MED30: variants seen among roughly 807,000 people sequenced by gnomAD.
MED30 encodes the protein mediator complex subunit 30.
Under a neutral mutation model 21.7 loss-of-function variants are expected in MED30, and 8 were observed. That is an observed-to-expected ratio of 0.37 (90% CI 0.22 to 0.67). The LOEUF (loss-of-function observed/expected upper bound fraction) is 0.67. Ranked by LOEUF, MED30 falls within the 30% of genes least tolerant of loss-of-function variation. The pLI is 0.58. For synonymous variants in MED30, 79 were observed against 86.7 expected (o/e 0.91, Z 0.49); for missense variants, 203 against 228.2 (o/e 0.89, Z 0.71).
At position 117,540,000 on chromosome 8, in the gene MED30, T is replaced by C; in HGVS notation, c.*22T>C. 7.2e-7 allele frequency: 1 copy of C among 1,379,796 alleles called. No homozygotes were observed. Among genetic ancestry groups the C allele is most frequent in the Non-Finnish European group, 1.0e-6 (1 of 981,320 alleles). The allele number at this position is 1,379,796 out of a possible 1,614,324, so 85.5% of individuals were successfully genotyped here. ...CTAAGCTGATATTTAAATTTCCTGC[T>C]TTACACATGTTATACCATTGTTTTT... On this transcript the variant is annotated 3_prime_UTR_variant, in exon 4 of 4. Coordinates refer to ENST00000297347, the MANE Select transcript of MED30 (RefSeq NM_080651.4).
At chr8:117,528,426 A>T (rs1312604542) in intron 1 of MED30, among the ~76,000 whole-genome samples, 2 of 151,952 alleles carry the variant, frequency 1.3e-5, no homozygotes, top group African/African-American at 4.8e-5. Context: ...TTTATCACAA[A>T]GTTTTTCTAG....
At chr8:117,521,327 A>G (rs957553069) in intron 1 of MED30, among the ~76,000 whole-genome samples, 6 of 152,164 alleles carry the variant, frequency 3.9e-5, no homozygotes, top group African/African-American at 1.4e-4. Flanking sequence ...CTTTCAAGGC[A>G]GAGATGGGTC....
chr8:117,528,779 CTG>C lies in MED30; in HGVS notation c.309_310del (p.Cys103TrpfsTer23). The C allele has an allele frequency of 6.2e-7, 1 of 1,606,844 alleles. No homozygotes were observed. The highest frequency in any genetic ancestry group is 1.1e-5 in the South Asian group (1 of 89,976). On this transcript the variant is annotated frameshift_variant, in exon 2 of 4. Coordinates refer to ENST00000297347, the MANE Select transcript of MED30 (RefSeq NM_080651.4). LOFTEE classifies it high-confidence loss of function. ...RLVYDKCNENCGGMDPIPVEQ... is the reference protein window; with the variant it reads ...RLVYDKCNENXGGMDPIPVEQ... Reference sequence around the variant, plus strand: ...TGGTATATGACAAATGCAATGAAAACTGTGGTGGGATGGATCCCATTCCAGTC... The same window carrying C: ...TGGTATATGACAAATGCAATGAAAACTGGTGGGATGGATCCCATTCCAGTC...
chr8:117,535,546 T>C (rs1007977382), intron 3 of MED30, among the ~76,000 whole-genome samples: 10 of 151,946 alleles, frequency 6.6e-5, no homozygotes, highest in Non-Finnish European at 2.9e-5. Flanking sequence ...TTTTTTTTTT[T>C]CCGTAATGGC....
intron 1 of MED30, among the ~76,000 whole-genome samples, chr8:117,522,864 G>A (rs1818652486): frequency 6.6e-6 from 1 of 152,088 alleles, no homozygotes; most frequent in Non-Finnish European, 1.5e-5. Context: ...AAAAAATTTT[G>A]TCCTGTTATA....
At chr8:117,539,428 T>C (rs1383420670) in intron 3 of MED30, among the ~76,000 whole-genome samples, 1 of 151,970 alleles carries the variant, frequency 6.6e-6, no homozygotes, top group African/African-American at 2.4e-5. Context: ...AGGCTGAGAT[T>C]GCAGTGAGCC....
chr8:117,527,490 A>G (rs1341113773), intron 1 of MED30, among the ~76,000 whole-genome samples: 1 of 151,944 alleles, frequency 6.6e-6, no homozygotes, highest in African/African-American at 2.4e-5. Flanking sequence ...GAAGAAAATA[A>G]ATTATTCAAG....
rs757047605 is a variant in MED30, at chr8:117,530,761, T to C, written c.375T>C (p.Asn125=). 16 of 1,612,518 alleles carry C rather than the reference T, an allele frequency of 9.9e-6. No homozygotes were observed. Among genetic ancestry groups the C allele is most frequent in the Non-Finnish European group, 1.4e-5 (16 of 1,178,978 alleles). ...ATGTGGAAGAAGATGGCTCAAAGAATGATGATCGGGCTGGCCCACCTCGTT... is the reference window on the plus strand; with the variant it reads ...ATGTGGAAGAAGATGGCTCAAAGAACGATGATCGGGCTGGCCCACCTCGTT... ...IPYVEEDGSK[N]DDRAGPPRFA... Residue 125 remains asparagine (N), a synonymous_variant, in exon 3 of 4, where the codon AAT becomes AAC. Transcript: ENST00000297347.
At chr8:117,531,117 T>G (rs1327626339) in intron 3 of MED30, among the ~76,000 whole-genome samples, 2 of 151,988 alleles carry the variant, frequency 1.3e-5, no homozygotes, top group Non-Finnish European at 2.9e-5. Flanking sequence ...ATTCTACCTT[T>G]CTAGCTTATA....
At position 117,525,955 on chromosome 8, in the gene MED30, C is replaced by T. The variant is rs890745246; in HGVS notation, c.178-2696C>T. ...TGTTAGCATTTTTATTAGGTCCGTT[C>T]GGCCTAGAAAGACTTGACATCATTA... On this transcript the variant is annotated intron_variant, in intron 1 of 3. Coordinates refer to ENST00000297347, the MANE Select transcript of MED30 (RefSeq NM_080651.4). Among the ~76,000 whole-genome samples, 10 of 152,154 alleles carry T rather than the reference C, an allele frequency of 6.6e-5. No individual in the cohort carries two copies. In the South Asian group the frequency reaches 8.3e-4, roughly 13 times the overall value.
At chr8:117,530,002 C>T (rs1227487344) in intron 2 of MED30, among the ~76,000 whole-genome samples, 1 of 151,978 alleles carries the variant, frequency 6.6e-6, no homozygotes, top group African/African-American at 2.4e-5. Flanking sequence ...CAGTCATTTA[C>T]CTTTAGCCTA....
intron 1 of MED30, chr8:117,523,262 T>G: frequency 9.0e-7 from 1 of 1,114,716 alleles, no homozygotes; most frequent in South Asian, 1.2e-5. Flanking sequence ...CCTCTCCAAT[T>G]TTACTGAGGT....
At chr8:117,525,383 G>C (rs112220311) in intron 1 of MED30, among the ~76,000 whole-genome samples, 6 of 146,950 alleles carry the variant, frequency 4.1e-5, no homozygotes, top group African/African-American at 1.3e-4. Flanking sequence ...CTTAATTGTA[G>C]GATTTAGCTA....
At chr8:117,537,228 CT>C (rs963816554) in intron 3 of MED30, among the ~76,000 whole-genome samples, 2 of 152,156 alleles carry the variant, frequency 1.3e-5, no homozygotes, top group African/African-American at 4.8e-5. Flanking sequence ...TTAGCATCAA[CT>C]TTTTTTAAGT....
At chr8:117,532,747 G>GAA (rs1227335697) in intron 3 of MED30, among the ~76,000 whole-genome samples, 1 of 151,956 alleles carries the variant, frequency 6.6e-6, no homozygotes. Flanking sequence ...CACACATTTA[G>GAA]AAAACTATTT....
Position 117,520,931 on chromosome 8 carries a change from C to A in MED30, c.55C>A (p.Pro19Thr), listed in dbSNP as rs372028755. 48 of 1,611,250 alleles carry A rather than the reference C, an allele frequency of 3.0e-5. 1 individual carries two copies. Among genetic ancestry groups the A allele is most frequent in the East Asian group, 2.9e-4 (13 of 44,804 alleles). Residue 19 changes from proline (P) to threonine (T), a missense_variant, in exon 1 of 4, where the codon CCC becomes ACC. By Grantham distance (38) the Pro-to-Thr change is conservative (BLOSUM62 -1). Transcript: ENST00000297347. ...GATGGCGCCCGGGCCCTTCGCCGGGCCCCAGGCTCAGCAGGCCGCCCGGGA... is the reference window on the plus strand; with the variant it reads ...GATGGCGCCCGGGCCCTTCGCCGGGACCCAGGCTCAGCAGGCCGCCCGGGA... Reference protein sequence around the residue: ...SGMAPGPFAGPQAQQAAREVN... With the variant: ...SGMAPGPFAGTQAQQAAREVN...
intron 3 of MED30, among the ~76,000 whole-genome samples, chr8:117,531,206 G>C (rs1267610838): frequency 6.6e-6 from 1 of 151,924 alleles, no homozygotes; most frequent in Non-Finnish European, 1.5e-5. Flanking sequence ...AAAATTTAGA[G>C]AACTATCCCA....
rs1484098817 is a variant in MED30, at chr8:117,531,194, A to G, written c.441+367A>G. Among the ~76,000 whole-genome samples the G allele has an allele frequency of 1.3e-5, 2 of 152,064 alleles. 1 individual carries two copies. The highest frequency in any genetic ancestry group is 4.8e-5 in the African/African-American group (2 of 41,446). ...AATGTGAATGTCTCAACACCTGAAT[A>G]AAAAATTTAGAGAACTATCCCAGCA... On this transcript the variant is annotated intron_variant, in intron 3 of 3. Transcript: ENST00000297347.
At chr8:117,533,832 T>C (rs1395439886) in intron 3 of MED30, among the ~76,000 whole-genome samples, 1 of 152,172 alleles carries the variant, frequency 6.6e-6, no homozygotes, top group Admixed American at 6.5e-5. Context: ...CTTCTGTTGG[T>C]TTCACTATTT....
Sources: gnomAD v4.1 joint callset for allele counts (sites outside exome capture counted in the v4.1 genomes callset) on GRCh38, gnomAD v4.1.1 for gene constraint, MANE v1.5 for transcripts, NCBI Gene and HGNC (gene_info 2026-07-23, HGNC 2026-07-21) for gene names.